Variants in FDFT1 observed in about 807,000 individuals in gnomAD.
The protein encoded by FDFT1 is squalene synthase.
Under a neutral mutation model 46.8 loss-of-function variants are expected in FDFT1, and 68 were observed. The observed-to-expected ratio is 1.45, with a 90% CI of 1.19 to 1.78. FDFT1 has a LOEUF of 1.78. Ranked by LOEUF, FDFT1 falls within the 40% of genes most tolerant of loss-of-function variation. FDFT1 has a pLI of 0.00. For missense variants in FDFT1, 928 were observed against 524.4 expected (o/e 1.77, Z -7.52); for synonymous variants, 351 against 185.1 (o/e 1.90, Z -7.28).
intron 3 of FDFT1, among the ~76,000 whole-genome samples, chr8:11,818,570 G>A (rs1394724924): frequency 6.6e-6 from 1 of 152,198 alleles, no homozygotes; most frequent in South Asian, 2.1e-4. Flanking sequence ...ATATGTTTAA[G>A]ATAGTTAGCT....
At chr8:11,826,479 T>C (rs1012845154) in intron 5 of FDFT1, among the ~76,000 whole-genome samples, 16 of 152,166 alleles carry the variant, frequency 1.1e-4, no homozygotes, top group African/African-American at 3.9e-4. Flanking sequence ...GTGGATATGG[T>C]AACAACCCAT....
chr8:11,834,751 A>G (rs987766120), intron 7 of FDFT1, among the ~76,000 whole-genome samples: 10 of 152,366 alleles, frequency 6.6e-5, no homozygotes, highest in Middle Eastern at 3.4e-3. Context: ...ACATGGACTC[A>G]CAGAGGAGCT....
intron 3 of FDFT1, among the ~76,000 whole-genome samples, chr8:11,811,617 T>A (rs182744140): frequency 7.2e-4 from 110 of 152,362 alleles, no homozygotes; most frequent in Admixed American, 1.0e-3. Flanking sequence ...GGAAAAATAA[T>A]GCTTAGTTCT....
rs1347461886 is a variant in FDFT1 at position 11,802,804 on chromosome 8, G to A, written c.-29G>A. 4 of 1,572,986 alleles carry A rather than the reference G, an allele frequency of 2.5e-6. No homozygotes were observed. Among genetic ancestry groups the A allele is most frequent in the Non-Finnish European group, 2.6e-6 (3 of 1,152,132 alleles). On this transcript the variant is annotated 5_prime_UTR_variant, in exon 1 of 8. Coordinates refer to ENST00000220584, the MANE Select transcript of FDFT1 (RefSeq NM_004462.5). Reference sequence around the variant, plus strand: ...CCTGGGGACCGCAGAGGTGAGAGTCGCGCCCGGGAGTCCGCCGCCTGCGCC... The same window carrying A: ...CCTGGGGACCGCAGAGGTGAGAGTCACGCCCGGGAGTCCGCCGCCTGCGCC...
chr8:11,817,959 T>G (rs1808691958), intron 3 of FDFT1, among the ~76,000 whole-genome samples: 4 of 152,226 alleles, frequency 2.6e-5, no homozygotes, highest in Admixed American at 2.6e-4. Flanking sequence ...TGTTAAGGTG[T>G]TGTTTTTAGA....
Position 11,826,045 on chromosome 8 carries a change from C to A in FDFT1, c.532C>A (p.Leu178Met). 6.3e-7 allele frequency: 1 copy of A among 1,594,966 alleles called. No individual in the cohort carries two copies. The highest frequency in any genetic ancestry group is 8.6e-7 in the Non-Finnish European group (1 of 1,166,258). ...WDKYCHYVAG[L>M]VGIGLSRLFS... ...ACAGTACTGCCACTATGTTGCTGGG[C>A]TGGTCGGAATTGGCCTTTCCCGTCT... The change falls in exon 5 of 8, where the codon CTG (leucine) becomes ATG (methionine). Residue 178 changes from leucine (L) to methionine (M), a missense_variant. Coordinates refer to ENST00000220584, the MANE Select transcript of FDFT1 (RefSeq NM_004462.5).
intron 1 of FDFT1, among the ~76,000 whole-genome samples, chr8:11,806,286 C>CT (rs1166647987): frequency 6.6e-6 from 1 of 152,150 alleles, no homozygotes; most frequent in Non-Finnish European, 1.5e-5. Context: ...GGACAGGCAC[C>CT]AGTAGCCTGA....
At chr8:11,801,927 G>C (rs1210936373), upstream of FDFT1, 1 of 454,358 alleles carries the variant, frequency 2.2e-6, no homozygotes. Context: ...TTGACCTCGT[G>C]ATCCACCCGC....
chr8:11,834,149 G>A (rs1563343840), intron 7 of FDFT1, among the ~76,000 whole-genome samples: 1 of 152,224 alleles, frequency 6.6e-6, no homozygotes. Flanking sequence ...ACTTAGTGTT[G>A]TAGCGAGCAT....
chr8:11,830,059 G>C (rs888500453), intron 5 of FDFT1, among the ~76,000 whole-genome samples, 185 bp from the exon 6 acceptor site: 2 of 152,122 alleles, frequency 1.3e-5, no homozygotes, highest in East Asian at 3.9e-4. Context: ...CCTTGGCCAG[G>C]CTGGTCTTGA....
intron 5 of FDFT1, among the ~76,000 whole-genome samples, chr8:11,828,307 C>T (rs1412527874): frequency 6.6e-6 from 1 of 151,892 alleles, no homozygotes; most frequent in Non-Finnish European, 1.5e-5. Context: ...AAACAAACAA[C>T]AACAAAAAAA....
At position 11,821,801 on chromosome 8, in the gene FDFT1, G is replaced by A. The variant is rs1184807939; in HGVS notation, c.433G>A (p.Asp145Asn). 10 of 1,613,538 alleles carry A rather than the reference G, an allele frequency of 6.2e-6. No individual in the cohort carries two copies. The highest frequency in any genetic ancestry group is 2.2e-5 in the East Asian group (1 of 44,874). The change falls in exon 4 of 8, where the codon GAC becomes AAC. Residue 145 changes from aspartate (D) to asparagine (N), a missense_variant. Physicochemically the swap from Asp to Asn is conservative, Grantham distance 23. Transcript: ENST00000220584. ...LAEKYQTVIA[D>N]ICRRMGIGMA... ...TGAGAAATACCAAACAGTGATTGCC[G>A]ACATTTGCCGGAGAATGGGCATTGG...
At chr8:11,803,390 C>T (rs1202066299) in intron 1 of FDFT1, 1 of 1,289,660 alleles carries the variant, frequency 7.8e-7, no homozygotes, top group South Asian at 1.2e-5. Context: ...TCTTCCGGAG[C>T]TCTCCCCGCC....
chr8:11,809,606 T>G (rs1454426684), intron 2 of FDFT1, 61 bp from the exon 3 acceptor site: 1 of 1,494,820 alleles, frequency 6.7e-7, no homozygotes, highest in Non-Finnish European at 9.0e-7. Flanking sequence ...ACAAGTTATT[T>G]TAAAATAAAA....
At chr8:11,825,610 C>G (rs757870064) in intron 4 of FDFT1, among the ~76,000 whole-genome samples, 4 of 147,830 alleles carry the variant, frequency 2.7e-5, no homozygotes, top group African/African-American at 1.0e-4. Context: ...CCCAGCTGTT[C>G]GGGAAGCTGA....
chr8:11,833,401 T>C (rs1209421610), intron 7 of FDFT1, among the ~76,000 whole-genome samples: 1 of 152,248 alleles, frequency 6.6e-6, no homozygotes, highest in Admixed American at 6.5e-5. Flanking sequence ...AATCCTGCTA[T>C]ATTAAGCACT....
chr8:11,838,029 C>G (rs192727829), intron 7 of FDFT1, among the ~76,000 whole-genome samples: 1 of 152,312 alleles, frequency 6.6e-6, no homozygotes, highest in East Asian at 1.9e-4. Context: ...TCCCTTTCGT[C>G]ATGTTAGTCT....
At chr8:11,811,489 T>C (rs1435056114) in intron 3 of FDFT1, among the ~76,000 whole-genome samples, 1 of 152,216 alleles carries the variant, frequency 6.6e-6, no homozygotes, top group Non-Finnish European at 1.5e-5. Flanking sequence ...AGTGAGGGAA[T>C]ATGAAAGTGT....
At chr8:11,800,323 C>T (rs530050248), upstream of FDFT1, among the ~76,000 whole-genome samples, 226 of 137,616 alleles carry the variant, frequency 1.6e-3, no homozygotes, top group African/African-American at 5.6e-3. Flanking sequence ...CTAAGCAGGC[C>T]ATTTTTACTT....
Sources: gnomAD v4.1 joint callset for allele counts (sites outside exome capture counted in the v4.1 genomes callset) on GRCh38, gnomAD v4.1.1 for gene constraint, MANE v1.5 for transcripts, NCBI Gene and HGNC (gene_info 2026-07-23, HGNC 2026-07-21) for gene names.